The following GRIN3B variants were observed in gnomAD, a reference collection of about 807,000 sequenced individuals.
The protein encoded by GRIN3B is glutamate ionotropic receptor NMDA type subunit 3B.
Under a neutral mutation model 66.0 loss-of-function variants are expected in GRIN3B, and 77 were observed. The observed-to-expected ratio is 1.17, with a 90% CI of 0.97 to 1.41. The LOEUF (loss-of-function observed/expected upper bound fraction) is 1.41, where lower values mean the gene tolerates loss of function less well. GRIN3B is among the 40% of genes most tolerant of loss of function. GRIN3B has a pLI of 0.00. For synonymous variants in GRIN3B, 823 were observed against 749.7 expected, an observed-to-expected ratio of 1.10 and a Z score of -1.60; for missense variants, 1,787 against 1,564.5, an observed-to-expected ratio of 1.14 and a Z score of -2.40.
Position 1,003,783 on chromosome 19 carries a change from T to A in GRIN3B, c.1019+61T>A. 4.7e-6 allele frequency: 6 copies of A among 1,269,102 alleles called. No homozygotes were observed. The Admixed American group carries it at 1.9e-4, about 39-fold the overall frequency. 78.6% of individuals were successfully genotyped at this position (1,269,102 alleles called of 1,614,324 possible). A position where few individuals can be genotyped will look rare whatever the true frequency, so the allele number is the denominator to read the frequency against. On this transcript the variant is annotated intron_variant, in intron 2 of 8. Transcript: ENST00000234389. ...CAGGCCACTGAGTCTGCACTGCTCA[T>A]GGATCACAAAAGGCAACGTGAGGCC...
At chr19:1,000,899 C>T (rs1334371587) in intron 1 of GRIN3B, 36 bp downstream of exon 1, 3 of 1,351,012 alleles carry the variant, frequency 2.2e-6, no homozygotes, top group Middle Eastern at 2.8e-4. Flanking sequence ...CGAGGGGGAC[C>T]CGGGGCGGGA....
chr19:1,004,872 C>A lies in GRIN3B; in HGVS notation c.1371C>A (p.Asp457Glu), dbSNP rs145632166. Residue 457 changes from aspartate to glutamate, a missense_variant, in exon 3 of 9, where the codon GAC becomes GAA. Transcript: ENST00000234389. Reference sequence around the variant, plus strand: ...GCACCAACGACTCGGCCACCCTGGACGCACTGTTCGCCGCGCTGGCCAACG... The same window carrying A: ...GCACCAACGACTCGGCCACCCTGGAAGCACTGTTCGCCGCGCTGGCCAACG... ...DPGTNDSATL[D>E]ALFAALANGS... 2.5e-6 allele frequency: 4 copies of A among 1,610,100 alleles called. No homozygotes were observed. The South Asian group carries it at 4.4e-5, about 18-fold the overall frequency.
Position 1,007,721 on chromosome 19 carries a change from C to A in GRIN3B, c.2146C>A (p.His716Asn). 6.5e-7 allele frequency: 1 copy of A among 1,533,042 alleles called. No homozygotes were observed. Among genetic ancestry groups the A allele is most frequent in the Non-Finnish European group, 8.8e-7 (1 of 1,140,970 alleles). The allele number at this position is 1,533,042 out of a possible 1,614,324, so 95.0% of individuals were successfully genotyped here. ...IKKSFPDMHA[H>N]MRRHSAPTTP... ...GAAGAGCTTCCCCGACATGCACGCA[C>A]ACATGCGGCGCCACAGCGCGCCCAC... Residue 716 changes from histidine to asparagine, a missense_variant, in exon 4 of 9, where the codon CAC becomes AAC. Transcript: ENST00000234389. The surrounding 1 kb of genome is among the most constrained non-coding windows in gnomAD (Gnocchi z 4.4).
Position 1,008,147 on chromosome 19 carries a change from G to A in GRIN3B, c.2322G>A (p.Gly774=), listed in dbSNP as rs1405266360. ...CTGGCCCCGCGCCCCCAGGCTATGG[G>A]ATCGGACTGCCCCAGAACTCGCCGC... ...VGKPFAIEGY[G]IGLPQNSPLT... Residue 774 remains glycine, a synonymous_variant, in exon 6 of 9, where the codon GGG becomes GGA. Transcript: ENST00000234389. The A allele has an allele frequency of 3.1e-6, 5 of 1,594,906 alleles. No homozygotes were observed. The highest frequency in any genetic ancestry group is 4.3e-6 in the Non-Finnish European group (5 of 1,171,270).
At position 1,000,745 on chromosome 19, in the gene GRIN3B, T is replaced by C; in HGVS notation, c.308T>C (p.Leu103Pro). Residue 103 changes from leucine (L) to proline (P), a missense_variant, in exon 1 of 9, where the codon CTG becomes CCG. Coordinates refer to ENST00000234389, the MANE Select transcript of GRIN3B (RefSeq NM_138690.3). ...QALVPPGVAALLAFPEARPEL... is the reference protein window; with the variant it reads ...QALVPPGVAAPLAFPEARPEL... ...CTGGTGCCTCCGGGCGTGGCGGCCC[T>C]GCTCGCCTTTCCCGAGGCTCGGCCC... The C allele has an allele frequency of 6.9e-7, 1 of 1,443,956 alleles. No homozygotes were observed. Among genetic ancestry groups the C allele is most frequent in the Admixed American group, 2.7e-5 (1 of 36,940 alleles). 89.4% of individuals were successfully genotyped at this position (1,443,956 alleles called of 1,614,324 possible). A position where few individuals can be genotyped will look rare whatever the true frequency, so the allele number is the denominator to read the frequency against.
At position 1,003,457 on chromosome 19, in the gene GRIN3B, G is replaced by A. The variant is rs750645579; in HGVS notation, c.754G>A (p.Val252Ile). 1.6e-5 allele frequency: 25 copies of A among 1,538,464 alleles called. No individual in the cohort carries two copies. Among genetic ancestry groups the A allele is most frequent in the Admixed American group, 3.9e-5 (2 of 51,070 alleles). Reference sequence around the variant, plus strand: ...CCGTGCCCGTCGGGTGCTGGAGGCCGTACCTCCCGGCCCCCACTGGCTGTT... The same window carrying A: ...CCGTGCCCGTCGGGTGCTGGAGGCCATACCTCCCGGCCCCCACTGGCTGTT... ...IARARRVLEA[V>I]PPGPHWLLGT... Residue 252 changes from valine to isoleucine, a missense_variant, in exon 2 of 9, where the codon GTA (valine) becomes ATA (isoleucine). Transcript: ENST00000234389.
intron 3 of GRIN3B, among the ~76,000 whole-genome samples, chr19:1,006,733 G>A (rs1940530795): frequency 6.6e-6 from 1 of 152,156 alleles, no homozygotes; most frequent in African/African-American, 2.4e-5. Flanking sequence ...CCTGTGAAAC[G>A]GTAGTAAAGC....
rs1366413275 is a variant in GRIN3B at position 1,007,757 on chromosome 19, G to A, written c.2182G>A (p.Gly728Ser). ...CCACAGCGCGCCCACCACGCCCCGC[G>A]GCGTCGCCATGCTCACGTGAGCCCG... is the stretch of plus-strand genomic sequence containing the variant. ...RRHSAPTTPR[G>S]VAMLTSDPPK... Residue 728 changes from glycine (G) to serine (S), a missense_variant, in exon 4 of 9, where the codon GGC becomes AGC. Coordinates refer to ENST00000234389, the MANE Select transcript of GRIN3B (RefSeq NM_138690.3). The surrounding 1 kb of genome is among the most constrained non-coding windows in gnomAD (Gnocchi z 4.4). 7.9e-6 allele frequency: 12 copies of A among 1,516,134 alleles called. No homozygotes were observed. The highest frequency in any genetic ancestry group is 4.3e-5 in the Admixed American group (2 of 46,926). The allele number at this position is 1,516,134 out of a possible 1,614,324, so 93.9% of individuals were successfully genotyped here. A position where few individuals can be genotyped will look rare whatever the true frequency, so the allele number is the denominator to read the frequency against.
At chr19:1,001,841 T>C (rs1445593526) in intron 1 of GRIN3B, among the ~76,000 whole-genome samples, 1 of 152,102 alleles carries the variant, frequency 6.6e-6, no homozygotes, top group Non-Finnish European at 1.5e-5. Flanking sequence ...CGCCCTCTGC[T>C]GCCGTCTCCA....
chr19:1,003,718 G>A lies in GRIN3B; in HGVS notation c.1015G>A (p.Ala339Thr). 7.1e-7 allele frequency: 1 copy of A among 1,401,414 alleles called. No individual in the cohort carries two copies. 86.8% of individuals were successfully genotyped at this position (1,401,414 alleles called of 1,614,324 possible). ...AGPESPGRFL[A>T]RFLANTSFQG... ...GCCCGAGTCCCCGGGGCGCTTCTTG[G>A]CACGGTGAGTGGGGACCCTGCTTCC... Residue 339 changes from alanine (A) to threonine (T), a missense_variant, in exon 2 of 9, where the codon GCA (alanine) becomes ACA (threonine). By Grantham distance (58) the Ala-to-Thr change is moderately conservative (BLOSUM62 0). Coordinates refer to ENST00000234389, the MANE Select transcript of GRIN3B (RefSeq NM_138690.3).
chr19:1,000,734 C>T lies in GRIN3B; in HGVS notation c.297C>T (p.Gly99=). The change falls in exon 1 of 9, where the codon GGC becomes GGT. Residue 99 remains glycine, a synonymous_variant. Transcript: ENST00000234389. ...RGLCQALVPP[G]VAALLAFPEA... is the part of the protein sequence containing the mutation. ...TGTGCCAGGCGCTGGTGCCTCCGGG[C>T]GTGGCGGCCCTGCTCGCCTTTCCCG... 2 of 1,433,294 alleles carry T rather than the reference C, an allele frequency of 1.4e-6. No homozygotes were observed. Among genetic ancestry groups the T allele is most frequent in the Non-Finnish European group, 1.8e-6 (2 of 1,097,146 alleles). 88.8% of individuals were successfully genotyped at this position (1,433,294 alleles called of 1,614,324 possible).
At chr19:1,006,643 C>T (rs1465954960) in intron 3 of GRIN3B, among the ~76,000 whole-genome samples, 1 of 152,136 alleles carries the variant, frequency 6.6e-6, no homozygotes, top group Non-Finnish European at 1.5e-5. Flanking sequence ...GTTTTCTGCC[C>T]CGTAGTGTCT....
chr19:1,008,367 A>G lies in GRIN3B; in HGVS notation c.2466+76A>G, dbSNP rs2038785605. 1.4e-5 allele frequency: 18 copies of G among 1,325,650 alleles called. No individual in the cohort carries two copies. In the South Asian group the frequency reaches 2.2e-4, roughly 16 times the overall value. The allele number at this position is 1,325,650 out of a possible 1,614,324, so 82.1% of individuals were successfully genotyped here. On this transcript the variant is annotated intron_variant, in intron 6 of 8. Transcript: ENST00000234389. ...CCCTGAGCCTTGTCTGAAGTGACCAACCCCAGTGCTCATTCCCCAGACGTG... is the reference window on the plus strand; with the variant it reads ...CCCTGAGCCTTGTCTGAAGTGACCAGCCCCAGTGCTCATTCCCCAGACGTG...
In GRIN3B at chr19:1,007,736, A is replaced by G; in HGVS notation, c.2161A>G (p.Ser721Gly). 1 of 1,525,450 alleles carries G rather than the reference A, an allele frequency of 6.6e-7. No individual in the cohort carries two copies. The highest frequency in any genetic ancestry group is 1.2e-5 in the South Asian group (1 of 81,014). The allele number at this position is 1,525,450 out of a possible 1,614,324, so 94.5% of individuals were successfully genotyped here. ...CATGCACGCACACATGCGGCGCCAC[A>G]GCGCGCCCACCACGCCCCGCGGCGT... The part of the protein sequence containing the change: ...PDMHAHMRRH[S>G]APTTPRGVAM... The change falls in exon 4 of 9, where the codon AGC becomes GGC. Residue 721 changes from serine to glycine, a missense_variant. Physicochemically the swap from Ser to Gly is moderately conservative, Grantham distance 56 (BLOSUM62 0). Transcript: ENST00000234389. This position sits in a 1 kb window ranked among gnomAD's most constrained non-coding sequence, Gnocchi z 4.4.
chr19:1,008,577 C>T (rs746339574), intron 6 of GRIN3B, 41 bp from the exon 7 acceptor site: 11 of 1,577,506 alleles, frequency 7.0e-6, no homozygotes, highest in African/African-American at 1.3e-5. Context: ...AGGGGCCTGC[C>T]ATTACGTGAC....
chr19:1,003,474 C>G lies in GRIN3B; in HGVS notation c.771C>G (p.His257Gln). The G allele has an allele frequency of 6.5e-7, 1 of 1,538,252 alleles. No homozygotes were observed. ...TGGAGGCCGTACCTCCCGGCCCCCA[C>G]TGGCTGTTGGGGACACCACTGCCGC... ...RVLEAVPPGP[H>Q]WLLGTPLPPK... Residue 257 changes from histidine to glutamine, a missense_variant, in exon 2 of 9, where the codon CAC (histidine) becomes CAG (glutamine). Coordinates refer to ENST00000234389, the MANE Select transcript of GRIN3B (RefSeq NM_138690.3).
Position 1,004,958 on chromosome 19 carries a change from G to A in GRIN3B, c.1457G>A (p.Arg486Gln), listed in dbSNP as rs767778650. The change falls in exon 3 of 9, where the codon CGG becomes CAG. Residue 486 changes from arginine (R) to glutamine (Q), a missense_variant. Arg to Gln is a conservative substitution (Grantham distance 43). Coordinates refer to ENST00000234389, the MANE Select transcript of GRIN3B (RefSeq NM_138690.3). The part of the protein sequence containing the change: ...CYGYCIDLLE[R>Q]LAEDTPFDFE... ...GGCTACTGCATTGACCTGCTGGAGC[G>A]GCTGGCGGAGGACACGCCCTTCGAC... is the stretch of plus-strand genomic sequence containing the variant. 48 of 1,611,020 alleles carry A rather than the reference G, an allele frequency of 3.0e-5. No homozygotes were observed. Among genetic ancestry groups the A allele is most frequent in the East Asian group, 2.9e-4 (13 of 44,864 alleles).
At position 1,009,337 on chromosome 19, in the gene GRIN3B, C is replaced by G; in HGVS notation, c.2867C>G (p.Pro956Arg). The change falls in exon 9 of 9, where the codon CCG becomes CGG. Residue 956 changes from proline to arginine, a missense_variant. Pro to Arg is a moderately radical substitution (Grantham distance 103). Coordinates refer to ENST00000234389, the MANE Select transcript of GRIN3B (RefSeq NM_138690.3). The part of the protein sequence containing the change: ...PEADAEAEAA[P>R]REGPVWLCSY... Reference sequence around the variant, plus strand: ...GCGGACGCGGAGGCGGAGGCTGCGCCGCGAGAGGGCCCCGTCTGGCTGTGC... The same window carrying G: ...GCGGACGCGGAGGCGGAGGCTGCGCGGCGAGAGGGCCCCGTCTGGCTGTGC... 1.4e-6 allele frequency: 2 copies of G among 1,395,594 alleles called. No individual in the cohort carries two copies. The allele number at this position is 1,395,594 out of a possible 1,614,324, so 86.5% of individuals were successfully genotyped here.
At position 1,009,540 on chromosome 19, in the gene GRIN3B, CA is replaced by C; in HGVS notation, c.3071del (p.Gln1024ArgfsTer61). On this transcript the variant is annotated frameshift_variant, in exon 9 of 9. Coordinates refer to ENST00000234389, the MANE Select transcript of GRIN3B (RefSeq NM_138690.3). LOFTEE classifies it low-confidence loss of function (END_TRUNC). ...ACGTCACCGGCCTCGGCGCTTGCTT[CA>C]GGCCAGAGCGGCCCCCGCGGAGGCC... The part of the protein sequence containing the change: ...SARHRPRRLL[Q>X]ARAAPAEAPP... 1 of 1,479,076 alleles carries C rather than the reference CA, an allele frequency of 6.8e-7. No individual in the cohort carries two copies. The highest frequency in any genetic ancestry group is 8.9e-7 in the Non-Finnish European group (1 of 1,120,494). The allele number at this position is 1,479,076 out of a possible 1,614,324, so 91.6% of individuals were successfully genotyped here.
Sources: allele counts gnomAD v4.1 joint callset (sites outside exome capture counted in the v4.1 genomes callset), GRCh38; gene constraint gnomAD v4.1.1; non-coding constraint Gnocchi (gnomAD v3.1); transcripts MANE v1.5; gene names NCBI Gene and HGNC (gene_info 2026-07-23, HGNC 2026-07-21).